Variants in TLK1 observed in about 807,000 individuals in gnomAD.
The protein encoded by TLK1 is serine/threonine-protein kinase tousled-like 1.
A neutral mutation model predicts 105.3 loss-of-function variants in TLK1; 24 were observed. That is an observed-to-expected ratio of 0.23 (90% CI 0.17 to 0.32). The LOEUF is 0.32. Ranked by LOEUF, TLK1 falls within the 10% of genes least tolerant of loss-of-function variation. The pLI is 1.00. For synonymous variants in TLK1, 321 were observed against 310.4 expected, an observed-to-expected ratio of 1.03 and a Z score of -0.36; for missense variants, 558 against 910.5, an observed-to-expected ratio of 0.61 and a Z score of 4.98.
chr2:171,086,638 CAA>C (rs35913328), intron 2 of TLK1, among the ~76,000 whole-genome samples: 4 of 108,940 alleles, frequency 3.7e-5, no homozygotes, highest in Non-Finnish European at 5.5e-5. Context: ...AAAAAACAAA[CAA>C]AAAAAAAAAA....
At chr2:171,084,240 G>C (rs901427806) in intron 2 of TLK1, among the ~76,000 whole-genome samples, 1 of 152,082 alleles carries the variant, frequency 6.6e-6, no homozygotes, top group Non-Finnish European at 1.5e-5. Flanking sequence ...GTTAACTTAA[G>C]TACAGAAGGG....
intron 4 of TLK1, among the ~76,000 whole-genome samples, chr2:171,059,211 T>G (rs759342197): frequency 6.6e-6 from 1 of 152,244 alleles, no homozygotes; most frequent in Non-Finnish European, 1.5e-5. Context: ...ACTTCCCTTC[T>G]GTCCATAATA....
At chr2:171,186,470 G>C (rs1214744152) in intron 1 of TLK1, among the ~76,000 whole-genome samples, 3 of 152,226 alleles carry the variant, frequency 2.0e-5, no homozygotes, top group African/African-American at 7.2e-5. Flanking sequence ...CTAGGAGCCA[G>C]AGATGCTAAA....
intron 1 of TLK1, among the ~76,000 whole-genome samples, chr2:171,148,991 A>G (rs546467368): frequency 2.7e-5 from 4 of 146,328 alleles, no homozygotes; most frequent in African/African-American, 1.0e-4. Flanking sequence ...GATTTTGTTG[A>G]TATGTATACC....
chr2:170,993,733 G>C lies in TLK1; in HGVS notation c.*47C>G. On this transcript the variant is annotated 3_prime_UTR_variant, in exon 21 of 21. Transcript: ENST00000431350. ...CTCAAATGCTCTCAAACTTAAGTGT[G>C]CATCTGGAAGCAAATTCAAAGATAT... The C allele has an allele frequency of 7.1e-7, 1 of 1,407,264 alleles. No homozygotes were observed. 87.2% of individuals were successfully genotyped at this position (1,407,264 alleles called of 1,614,324 possible).
intron 1 of TLK1, among the ~76,000 whole-genome samples, chr2:171,216,954 A>T (rs1261473247): frequency 6.6e-6 from 1 of 152,220 alleles, no homozygotes; most frequent in African/African-American, 2.4e-5. Context: ...CTTCTAACCC[A>T]CAGAAGTATA....
At chr2:171,210,373 CCTGAGTAG>C (rs1392783593) in intron 1 of TLK1, among the ~76,000 whole-genome samples, 6 of 151,956 alleles carry the variant, frequency 3.9e-5, no homozygotes, top group African/African-American at 1.5e-4. Context: ...AAGCAATCCT[CCTGAGTAG>C]CTGGGACTAC....
At chr2:171,090,294 T>C (rs1396022343) in intron 2 of TLK1, among the ~76,000 whole-genome samples, 2 of 152,200 alleles carry the variant, frequency 1.3e-5, no homozygotes, top group Non-Finnish European at 2.9e-5. Flanking sequence ...TTGTTGTTGA[T>C]ATGCAGAAAA....
intron 1 of TLK1, among the ~76,000 whole-genome samples, chr2:171,206,765 A>ATT (rs1693515263): frequency 6.6e-6 from 1 of 152,230 alleles, no homozygotes; most frequent in African/African-American, 2.4e-5. Context: ...CTCACCAAAG[A>ATT]AGATCTACAG....
chr2:171,217,872 T>A (rs1693742425), intron 1 of TLK1, among the ~76,000 whole-genome samples: 1 of 152,238 alleles, frequency 6.6e-6, no homozygotes. Context: ...TATTTAAAGT[T>A]GTATGAACAT....
chr2:171,058,702 T>C (rs1338473038), intron 4 of TLK1, among the ~76,000 whole-genome samples: 1 of 152,172 alleles, frequency 6.6e-6, no homozygotes, highest in Non-Finnish European at 1.5e-5. Flanking sequence ...ACCAGCTCAT[T>C]AGAGATCACG....
chr2:171,003,012 C>T (rs527733238), intron 18 of TLK1, among the ~76,000 whole-genome samples: 1 of 151,820 alleles, frequency 6.6e-6, no homozygotes, highest in Non-Finnish European at 1.5e-5. Context: ...TGGTGGCTCA[C>T]GCCTGTAATC....
At chr2:171,024,187 G>C (rs1685667483) in intron 12 of TLK1, among the ~76,000 whole-genome samples, 1 of 152,012 alleles carries the variant, frequency 6.6e-6, no homozygotes, top group Admixed American at 6.6e-5. Flanking sequence ...AATTTGTATA[G>C]TCTCCATACA....
chr2:170,995,611 C>T (rs1684019274), intron 20 of TLK1, among the ~76,000 whole-genome samples: 1 of 152,110 alleles, frequency 6.6e-6, no homozygotes, highest in Admixed American at 6.5e-5. Context: ...GAAAATAAGA[C>T]AAGATTTAGA....
intron 13 of TLK1, 68 bp downstream of exon 13, chr2:171,014,782 GT>G: frequency 8.7e-7 from 1 of 1,148,624 alleles, no homozygotes; most frequent in Non-Finnish European, 1.3e-6. Context: ...GAAATATTGT[GT>G]TTATGCTCTA....
chr2:171,100,152 G>T (rs1689626360), intron 2 of TLK1, among the ~76,000 whole-genome samples: 1 of 152,152 alleles, frequency 6.6e-6, no homozygotes, highest in Non-Finnish European at 1.5e-5. Context: ...CACATGAAAA[G>T]ATGCTCATCA....
intron 18 of TLK1, among the ~76,000 whole-genome samples, chr2:171,004,871 T>C (rs1684574083): frequency 6.6e-6 from 1 of 152,250 alleles, no homozygotes; most frequent in African/African-American, 2.4e-5. Context: ...TTTCTTAAAA[T>C]ATGAAGAAAA....
chr2:171,060,555 TA>T (rs2105445494), intron 4 of TLK1, among the ~76,000 whole-genome samples: 1 of 152,368 alleles, frequency 6.6e-6, no homozygotes, highest in East Asian at 1.9e-4. Flanking sequence ...TTATTATATT[TA>T]ATTTTGAGTG....
chr2:171,141,586 C>T (rs1354118940), intron 1 of TLK1, among the ~76,000 whole-genome samples: 1 of 152,100 alleles, frequency 6.6e-6, no homozygotes, highest in Non-Finnish European at 1.5e-5. Flanking sequence ...AGCTAGATTA[C>T]AGTCAAAGGA....
Sources: gnomAD v4.1 joint callset for allele counts (sites outside exome capture counted in the v4.1 genomes callset) on GRCh38, gnomAD v4.1.1 for gene constraint, MANE v1.5 for transcripts, NCBI Gene and HGNC (gene_info 2026-07-23, HGNC 2026-07-21) for gene names.